STAM2: variants seen among roughly 807,000 people sequenced by gnomAD.
The protein encoded by STAM2 is signal transducing adapter molecule 2.
Under a neutral mutation model 65.6 loss-of-function variants are expected in STAM2, and 51 were observed. The observed-to-expected ratio is 0.78, with a 90% CI of 0.62 to 0.98. The LOEUF (loss-of-function observed/expected upper bound fraction) is 0.98, where lower values mean the gene tolerates loss of function less well. STAM2 is among the 50% of genes least tolerant of loss of function. The pLI, the probability that STAM2 is intolerant of heterozygous loss-of-function variation, is 0.00. For missense variants in STAM2, 584 were observed against 617.8 expected, an observed-to-expected ratio of 0.95 and a Z score of 0.58; for synonymous variants, 198 against 208.4, an observed-to-expected ratio of 0.95 and a Z score of 0.43.
chr2:152,140,262 TTA>T (rs1689220966), intron 7 of STAM2, among the ~76,000 whole-genome samples: 1 of 152,006 alleles, frequency 6.6e-6, no homozygotes. Context: ...GAAAAGAAAA[TTA>T]AGTCTGTGGA....
At chr2:152,145,013 C>T in intron 5 of STAM2, 56 bp from the exon 6 acceptor site, 1 of 1,330,782 alleles carries the variant, frequency 7.5e-7, no homozygotes, top group South Asian at 1.2e-5. Context: ...AACACAAGCT[C>T]CATAATTACT....
chr2:152,118,100 C>T lies in STAM2; in HGVS notation c.*2474G>A, dbSNP rs961267258. On this transcript the variant is annotated 3_prime_UTR_variant, in exon 14 of 14. Transcript: ENST00000263904. Reference sequence around the variant, plus strand: ...ATTTTCAGGAATTCTTTCTGATGTACCAAGATTTCATATGAAAAAGCAGAA... The same window carrying T: ...ATTTTCAGGAATTCTTTCTGATGTATCAAGATTTCATATGAAAAAGCAGAA... 6.6e-5 allele frequency: 10 copies of T among 152,026 alleles called. No homozygotes were observed. Among genetic ancestry groups the T allele is most frequent in the African/African-American group, 2.4e-4 (10 of 41,490 alleles). The allele number at this position is 152,026 out of a possible 1,614,324, so 9.4% of individuals were successfully genotyped here.
At chr2:152,140,687 G>T (rs968695402) in intron 7 of STAM2, among the ~76,000 whole-genome samples, 7 of 152,218 alleles carry the variant, frequency 4.6e-5, no homozygotes, top group African/African-American at 1.7e-4. Context: ...TGAAAGTAAA[G>T]TTCTTTTCCT....
At chr2:152,164,250 C>T (rs922761258) in intron 1 of STAM2, among the ~76,000 whole-genome samples, 2 of 151,966 alleles carry the variant, frequency 1.3e-5, no homozygotes, top group Non-Finnish European at 2.9e-5. Flanking sequence ...GTGGGTTCCC[C>T]GATAATACAT....
chr2:152,125,150 C>A (rs1688942604), intron 12 of STAM2, among the ~76,000 whole-genome samples: 1 of 152,228 alleles, frequency 6.6e-6, no homozygotes, highest in African/African-American at 2.4e-5. Flanking sequence ...GATGCAGACA[C>A]TGCTGTTTTG....
In STAM2 at chr2:152,118,021, T is replaced by C. The variant is rs547414005; in HGVS notation, c.*2553A>G. On this transcript the variant is annotated 3_prime_UTR_variant, in exon 14 of 14. Transcript: ENST00000263904. ...ATAAGAATATATCCCACACTTCATA[T>C]ATTTTAACACCCTGGGGTATTTTTC... is the stretch of plus-strand genomic sequence containing the variant. The C allele has an allele frequency of 3.0e-4, 45 of 152,282 alleles. No homozygotes were observed. The highest frequency in any genetic ancestry group is 1.0e-3 in the African/African-American group (42 of 41,592). The allele number at this position is 152,282 out of a possible 1,614,324, so 9.4% of individuals were successfully genotyped here.
intron 1 of STAM2, among the ~76,000 whole-genome samples, chr2:152,166,963 G>C (rs1205303842): frequency 6.6e-6 from 1 of 152,152 alleles, no homozygotes; most frequent in Non-Finnish European, 1.5e-5. Flanking sequence ...CAAGAAAATA[G>C]TTTGCGAGTT....
chr2:152,175,280 G>A (rs1005275655), intron 1 of STAM2, among the ~76,000 whole-genome samples: 38 of 152,334 alleles, frequency 2.5e-4, no homozygotes, highest in African/African-American at 9.1e-4. Flanking sequence ...CGAGCAGGAA[G>A]TTTTTAATCA....
chr2:152,152,638 T>C (rs956473279), intron 1 of STAM2, among the ~76,000 whole-genome samples: 1 of 152,320 alleles, frequency 6.6e-6, no homozygotes, highest in Non-Finnish European at 1.5e-5. Context: ...TGTGTGGACA[T>C]TACGCCTTCA....
chr2:152,136,426 G>C (rs1456497470), intron 7 of STAM2, among the ~76,000 whole-genome samples: 1 of 151,898 alleles, frequency 6.6e-6, no homozygotes, highest in Non-Finnish European at 1.5e-5. Context: ...CTGGAGGATA[G>C]AGACTCTGTC....
In STAM2 at chr2:152,148,087, T is replaced by C. The variant is rs1689368618; in HGVS notation, c.237A>G (p.Ile79Met). 6.2e-7 allele frequency: 1 copy of C among 1,611,274 alleles called. No individual in the cohort carries two copies. The highest frequency in any genetic ancestry group is 1.7e-4 in the Middle Eastern group (1 of 6,012). The change falls in exon 4 of 14, where the codon ATA (isoleucine) becomes ATG (methionine). Residue 79 changes from isoleucine (I) to methionine (M), a missense_variant. Physicochemically the swap from Ile to Met is conservative, Grantham distance 10. Coordinates refer to ENST00000263904, the MANE Select transcript of STAM2 (RefSeq NM_005843.6). ...LGACVANCGKIFHLEVCSRDF... is the reference protein window; with the variant it reads ...LGACVANCGKMFHLEVCSRDF... ...CACGGGAACATACTTCTAAATGAAA[T>C]ATCTTTCCACAGTTTGCCACACAAG...
chr2:152,169,665 T>C (rs907598090), intron 1 of STAM2, among the ~76,000 whole-genome samples: 1 of 152,174 alleles, frequency 6.6e-6, no homozygotes, highest in African/African-American at 2.4e-5. Context: ...AAAATGCTCA[T>C]CTTCACTGGC....
chr2:152,175,689 G>C lies in STAM2; in HGVS notation c.-47C>G, dbSNP rs372610173. The C allele has an allele frequency of 1.9e-6, 3 of 1,586,088 alleles. No individual in the cohort carries two copies. In the African/African-American group the frequency reaches 4.0e-5, roughly 21 times the overall value. On this transcript the variant is annotated 5_prime_UTR_variant, in exon 1 of 14. Transcript: ENST00000263904. ...GTCGCTGCTGTCTAGCTGACACTCA[G>C]CAACTGCTACCCGCCGGGTGACCCG... is the stretch of plus-strand genomic sequence containing the variant.
chr2:152,148,347 A>G (rs1689375771), intron 2 of STAM2, 47 bp from the exon 3 acceptor site: 28 of 1,411,684 alleles, frequency 2.0e-5, no homozygotes, highest in Non-Finnish European at 2.8e-5. Flanking sequence ...TTACTGATAA[A>G]TTTAATTCAA....
chr2:152,121,521 A>G (rs1013733495), intron 13 of STAM2, among the ~76,000 whole-genome samples: 3 of 152,134 alleles, frequency 2.0e-5, no homozygotes, highest in Admixed American at 6.6e-5. Context: ...AATCCAGCAC[A>G]AAGAAGTCCA....
chr2:152,168,213 T>A (rs1446641787), intron 1 of STAM2, among the ~76,000 whole-genome samples: 1 of 151,758 alleles, frequency 6.6e-6, no homozygotes, highest in Non-Finnish European at 1.5e-5. Context: ...CGGGCTGGAG[T>A]GCAGTGGCGC....
chr2:152,175,511 G>C (rs1427511904), intron 1 of STAM2, 92 bp downstream of exon 1: 1 of 1,524,340 alleles, frequency 6.6e-7, no homozygotes, highest in African/African-American at 1.4e-5. Context: ...TTGCTTCCTA[G>C]TCCCCGGAGT....
At chr2:152,166,138 C>A (rs1051853073) in intron 1 of STAM2, among the ~76,000 whole-genome samples, 1 of 152,120 alleles carries the variant, frequency 6.6e-6, no homozygotes, top group Non-Finnish European at 1.5e-5. Flanking sequence ...CACGCCACTG[C>A]ATTCCAGGCT....
intron 1 of STAM2, among the ~76,000 whole-genome samples, chr2:152,161,495 A>T (rs1380918792): frequency 1.4e-3 from 15 of 10,936 alleles, no homozygotes; most frequent in Admixed American, 7.8e-3. Flanking sequence ...AATGATCAAT[A>T]AAAAAAAAAA....
Sources: allele counts gnomAD v4.1 joint callset (sites outside exome capture counted in the v4.1 genomes callset), GRCh38; gene constraint gnomAD v4.1.1; transcripts MANE v1.5; gene names NCBI Gene and HGNC (gene_info 2026-07-23, HGNC 2026-07-21).